The following PHACTR1 variants were observed in gnomAD, a reference collection of about 807,000 sequenced individuals.
PHACTR1 encodes RPEL repeat containing 1.
In PHACTR1, 16 loss-of-function variants were observed where a neutral mutation model predicts 69.2. That is an observed-to-expected ratio of 0.23 (90% confidence interval 0.16 to 0.35). PHACTR1 has a LOEUF of 0.35. PHACTR1 is among the 10% of genes least tolerant of loss of function. The probability of loss-of-function intolerance (pLI) is 1.00; values close to 1 mark genes in which losing one functional copy is unlikely to be tolerated. For missense variants in PHACTR1, 510 were observed against 734.7 expected (o/e 0.69, Z 3.54); for synonymous variants, 312 against 284.5 (o/e 1.10, Z -0.97).
intron 4 of PHACTR1, among the ~76,000 whole-genome samples, chr6:12,869,216 T>TGAGG (rs978153253): frequency 1.3e-5 from 2 of 152,154 alleles, no homozygotes; most frequent in African/African-American, 4.8e-5. Flanking sequence ...ATGTACAGAA[T>TGAGG]GAGGGACAAA....
At chr6:12,803,849 G>C (rs979553780) in intron 4 of PHACTR1, among the ~76,000 whole-genome samples, 2 of 152,136 alleles carry the variant, frequency 1.3e-5, no homozygotes, top group Admixed American at 1.3e-4. Context: ...TTCAGACATT[G>C]ACAAGTGTCC....
rs183755462 is a variant in PHACTR1, at chr6:12,908,190, G to A, written c.251-145175G>A. 1.2e-4 allele frequency among the ~76,000 whole-genome samples: 18 copies of A among 152,274 alleles called. No individual in the cohort carries two copies. The East Asian group carries it at 3.5e-3, about 29-fold the overall frequency. ...ATCGCACCTGGGCCTGGTAGAACAA[G>A]CCCAAATCCTTTCTCATAGGACAAC... On this transcript the variant is annotated intron_variant, in intron 4 of 14. Coordinates refer to ENST00000332995, the MANE Select transcript of PHACTR1 (RefSeq NM_030948.6).
At chr6:13,251,386 G>A (rs371205940) in intron 10 of PHACTR1, among the ~76,000 whole-genome samples, 8 of 152,318 alleles carry the variant, frequency 5.3e-5, no homozygotes, top group African/African-American at 1.2e-4. Context: ...TTACGGTCAC[G>A]GGTGCAGGGC....
intron 4 of PHACTR1, among the ~76,000 whole-genome samples, chr6:12,948,988 G>T (rs1790976181): frequency 1.3e-5 from 2 of 152,064 alleles, no homozygotes; most frequent in Non-Finnish European, 2.9e-5. Flanking sequence ...ATAGAAAAAT[G>T]GGCCAGGCGC....
intron 5 of PHACTR1, among the ~76,000 whole-genome samples, chr6:13,152,481 C>A (rs112462316): frequency 0.011 from 1,666 of 152,236 alleles, 22 homozygotes; most frequent in African/African-American, 0.035. Context: ...GACATGGTGG[C>A]TCAGAAGAGG....
intron 5 of PHACTR1, among the ~76,000 whole-genome samples, chr6:13,085,473 A>G (rs532290975): frequency 4.9e-4 from 74 of 152,234 alleles, no homozygotes; most frequent in Admixed American, 4.8e-3. Flanking sequence ...AATCAAATAT[A>G]TTTTCAGGCA....
chr6:13,262,040 CAG>C (rs1356316064), intron 10 of PHACTR1, among the ~76,000 whole-genome samples: 3 of 152,202 alleles, frequency 2.0e-5, no homozygotes, highest in South Asian at 2.1e-4. Context: ...TTTTCAAGCA[CAG>C]AGTGGTGTGA....
intron 4 of PHACTR1, among the ~76,000 whole-genome samples, chr6:12,930,350 AT>A (rs896843803): frequency 6.6e-6 from 1 of 152,144 alleles, no homozygotes; most frequent in African/African-American, 2.4e-5. Flanking sequence ...GGCCAAGAGA[AT>A]TTTTTTGGGT....
chr6:13,144,538 A>G (rs910617416), intron 5 of PHACTR1, among the ~76,000 whole-genome samples: 2 of 152,208 alleles, frequency 1.3e-5, no homozygotes, highest in African/African-American at 4.8e-5. Context: ...ATTGATCTCA[A>G]GATTCAGTGT....
intron 4 of PHACTR1, among the ~76,000 whole-genome samples, chr6:13,042,284 T>A (rs1314865196): frequency 1.3e-5 from 2 of 152,230 alleles, no homozygotes; most frequent in Non-Finnish European, 2.9e-5. Context: ...TTAGGCATTT[T>A]AAAATTATTC....
intron 4 of PHACTR1, among the ~76,000 whole-genome samples, chr6:12,983,360 A>C (rs930425011): frequency 6.6e-6 from 1 of 152,194 alleles, no homozygotes; most frequent in Admixed American, 6.5e-5. Context: ...GGGTCTTGAC[A>C]GTTATGAAAG....
chr6:12,958,505 G>C (rs1057185284), intron 4 of PHACTR1, among the ~76,000 whole-genome samples: 22 of 152,232 alleles, frequency 1.4e-4, no homozygotes, highest in African/African-American at 3.4e-4. Flanking sequence ...GGATAGGCTT[G>C]GTGGGATTCC....
intron 7 of PHACTR1, among the ~76,000 whole-genome samples, chr6:13,201,583 G>T (rs1765241927): frequency 2.6e-5 from 4 of 152,282 alleles, no homozygotes; most frequent in South Asian, 2.1e-4. Flanking sequence ...AGAGGGCTGG[G>T]ACCGCATTAT....
chr6:13,029,085 T>C (rs368979906), intron 4 of PHACTR1, among the ~76,000 whole-genome samples: 1 of 152,182 alleles, frequency 6.6e-6, no homozygotes, highest in South Asian at 2.1e-4. Flanking sequence ...AGATACTATT[T>C]ATCTCAATTT....
At chr6:12,777,693 G>A (rs1770265182) in intron 4 of PHACTR1, among the ~76,000 whole-genome samples, 1 of 133,850 alleles carries the variant, frequency 7.5e-6, no homozygotes, top group Non-Finnish European at 1.5e-5. Flanking sequence ...GTACAGTGGT[G>A]TGATCTCAGT....
chr6:12,737,350 C>G (rs189968298), intron 3 of PHACTR1, among the ~76,000 whole-genome samples: 1 of 151,796 alleles, frequency 6.6e-6, no homozygotes, highest in East Asian at 1.9e-4. Flanking sequence ...GACCAAAATG[C>G]CATTATGTGG....
intron 4 of PHACTR1, among the ~76,000 whole-genome samples, chr6:12,865,944 CT>C: frequency 6.6e-6 from 1 of 152,270 alleles, no homozygotes; most frequent in South Asian, 2.1e-4. Flanking sequence ...TGCTTTTTGT[CT>C]TTTCCCTCCT....
At chr6:13,062,128 A>C (rs1052904142) in intron 5 of PHACTR1, among the ~76,000 whole-genome samples, 2 of 152,162 alleles carry the variant, frequency 1.3e-5, no homozygotes, top group Non-Finnish European at 2.9e-5. Context: ...CTCTCCTGAT[A>C]CTCATGACAG....
In PHACTR1 at chr6:13,283,179, C is replaced by A; in HGVS notation, c.1510-243C>A. On this transcript the variant is annotated intron_variant, in intron 12 of 14. Transcript: ENST00000332995. This position sits in a 1 kb window ranked among gnomAD's most constrained non-coding sequence, Gnocchi z 4.7. ...AGTTTAAAAAAAAAAAGAGCTTGGC[C>A]TAGAGGGTATGTAAGGGATAACAAA... 1 of 380,370 alleles carries A rather than the reference C, an allele frequency of 2.6e-6. No individual in the cohort carries two copies. The highest frequency in any genetic ancestry group is 2.2e-5 in the African/African-American group (1 of 45,598). 23.6% of individuals were successfully genotyped at this position (380,370 alleles called of 1,614,324 possible).
Sources: gnomAD v4.1 joint callset for allele counts (sites outside exome capture counted in the v4.1 genomes callset) on GRCh38, gnomAD v4.1.1 for gene constraint, Gnocchi (gnomAD v3.1) non-coding constraint, MANE v1.5 for transcripts, NCBI Gene and HGNC (gene_info 2026-07-23, HGNC 2026-07-21) for gene names.